The following GALNT13 variants were observed in gnomAD, a reference collection of about 807,000 sequenced individuals.
GALNT13 encodes UDP-GalNAc:polypeptide N-acetylgalactosaminyltransferase 13.
GALNT13 carries 28 observed loss-of-function variants against 64.2 expected under a neutral mutation model. The ratio of observed to expected loss-of-function variants is 0.44; its 90% confidence interval spans 0.32 to 0.60. GALNT13 has a LOEUF of 0.60. GALNT13 is among the 20% of genes least tolerant of loss of function. GALNT13 has a pLI of 0.05. For missense variants in GALNT13, 577 were observed against 669.8 expected, an observed-to-expected ratio of 0.86 and a Z score of 1.53; for synonymous variants, 214 against 224.6, an observed-to-expected ratio of 0.95 and a Z score of 0.42.
intron 7 of GALNT13, among the ~76,000 whole-genome samples, chr2:154,253,614 C>CA (rs1193304539): frequency 6.6e-6 from 1 of 152,126 alleles, no homozygotes; most frequent in African/African-American, 2.4e-5. Context: ...GACCCAGTCT[C>CA]AAAGTATAAC....
At chr2:153,711,250 T>G in the GALNT13 span, among the ~76,000 whole-genome samples, 1 of 152,128 alleles carries the variant, frequency 6.6e-6, no homozygotes, top group East Asian at 1.9e-4. Flanking sequence ...TATGGCTTTA[T>G]AACATGCATA....
chr2:153,687,440 T>G, the GALNT13 span, among the ~76,000 whole-genome samples: 1 of 151,956 alleles, frequency 6.6e-6, no homozygotes, highest in African/African-American at 2.4e-5. Flanking sequence ...AAACTAGATG[T>G]TCATGATATT....
At chr2:153,896,399 A>T (rs1397240247) in intron 1 of GALNT13, among the ~76,000 whole-genome samples, 2 of 151,208 alleles carry the variant, frequency 1.3e-5, no homozygotes. Context: ...ATTATGAATA[A>T]ATATATCTTT....
At chr2:154,000,390 A>T (rs1695825664) in intron 3 of GALNT13, among the ~76,000 whole-genome samples, 1 of 151,960 alleles carries the variant, frequency 6.6e-6, no homozygotes, top group African/African-American at 2.4e-5. Context: ...CTTGAGCTAT[A>T]ACATTAGGTT....
the GALNT13 span, among the ~76,000 whole-genome samples, chr2:153,680,216 A>G: frequency 6.6e-6 from 1 of 151,980 alleles, no homozygotes; most frequent in East Asian, 1.9e-4. Context: ...TACATTGTAA[A>G]GTGGGTAAAT....
the GALNT13 span, among the ~76,000 whole-genome samples, chr2:153,320,568 G>A: frequency 6.6e-6 from 1 of 152,168 alleles, no homozygotes; most frequent in Non-Finnish European, 1.5e-5. Context: ...GATATTTTGA[G>A]AAACATTTGC....
intron 2 of GALNT13, among the ~76,000 whole-genome samples, chr2:153,937,333 A>G (rs993915245): frequency 1.3e-5 from 2 of 152,238 alleles, no homozygotes; most frequent in South Asian, 2.1e-4. Flanking sequence ...ATATGCTACA[A>G]TGTGAATGAA....
intron 9 of GALNT13, among the ~76,000 whole-genome samples, chr2:154,379,248 AAT>A (rs1698149448): frequency 6.6e-6 from 1 of 152,108 alleles, no homozygotes; most frequent in African/African-American, 2.4e-5. Context: ...AAGGACTACC[AAT>A]ATGTCTTAAT....
At chr2:153,812,887 C>T in the GALNT13 span, among the ~76,000 whole-genome samples, 7 of 152,154 alleles carry the variant, frequency 4.6e-5, no homozygotes, top group African/African-American at 1.7e-4. Context: ...TGTAAAAGAT[C>T]CTCCAGGGTT....
At chr2:153,195,665 C>G in the GALNT13 span, among the ~76,000 whole-genome samples, 3 of 152,232 alleles carry the variant, frequency 2.0e-5, no homozygotes, top group East Asian at 5.8e-4. Context: ...GCTCTTCTCT[C>G]CTTCTTGTCA....
rs553345585 is a variant in GALNT13, at chr2:154,143,398, C to G, written c.311+2893C>G. Among the ~76,000 whole-genome samples the G allele has an allele frequency of 8.6e-5, 13 of 151,938 alleles. No individual in the cohort carries two copies. In the South Asian group the frequency reaches 2.7e-3, roughly 32 times the overall value. ...TGTGATAAAATGAGTGGCTATGATA[C>G]TTATATATTCCAGAAAACTAGGTAA... On this transcript the variant is annotated intron_variant, in intron 4 of 12. Coordinates refer to ENST00000392825, the MANE Select transcript of GALNT13 (RefSeq NM_052917.4).
intron 4 of GALNT13, among the ~76,000 whole-genome samples, chr2:154,183,542 C>T: frequency 6.6e-6 from 1 of 151,944 alleles, no homozygotes; most frequent in Non-Finnish European, 1.5e-5. Context: ...AAAACCCCAC[C>T]TCTACAAAAA....
At chr2:154,426,545 C>T (rs1574285151) in intron 11 of GALNT13, among the ~76,000 whole-genome samples, 1 of 152,064 alleles carries the variant, frequency 6.6e-6, no homozygotes, top group Non-Finnish European at 1.5e-5. Flanking sequence ...AAGCATAACT[C>T]GTGGGATATA....
At chr2:154,002,040 G>T (rs912548311) in intron 3 of GALNT13, among the ~76,000 whole-genome samples, 2 of 152,196 alleles carry the variant, frequency 1.3e-5, no homozygotes, top group East Asian at 3.9e-4. Context: ...TCTGCTGGAA[G>T]CTCTATTGGG....
At chr2:153,661,661 T>C in the GALNT13 span, among the ~76,000 whole-genome samples, 1 of 152,210 alleles carries the variant, frequency 6.6e-6, no homozygotes, top group Non-Finnish European at 1.5e-5. Flanking sequence ...ATATCTTGCT[T>C]GCTTCATACA....
At chr2:154,345,078 C>A (rs1190888900) in intron 9 of GALNT13, among the ~76,000 whole-genome samples, 1 of 151,930 alleles carries the variant, frequency 6.6e-6, no homozygotes, top group East Asian at 1.9e-4. Context: ...ATTGAGACAA[C>A]AAGGACAGAA....
the GALNT13 span, chr2:153,173,361 A>G: frequency 1.3e-5 from 2 of 151,992 alleles, no homozygotes; most frequent in Non-Finnish European, 1.5e-5. Flanking sequence ...ATATCAAACT[A>G]TTTGTCTGGG....
At chr2:153,579,953 C>A in the GALNT13 span, among the ~76,000 whole-genome samples, 1 of 152,088 alleles carries the variant, frequency 6.6e-6, no homozygotes, top group Non-Finnish European at 1.5e-5. Context: ...GGTTGGGGAC[C>A]AGTGTCTTAC....
At chr2:153,655,841 G>T in the GALNT13 span, among the ~76,000 whole-genome samples, 1 of 152,176 alleles carries the variant, frequency 6.6e-6, no homozygotes, top group East Asian at 1.9e-4. Flanking sequence ...GAGGGGAAGA[G>T]TAGTTGAAAA....
Sources: gnomAD v4.1 joint callset for allele counts (sites outside exome capture counted in the v4.1 genomes callset) on GRCh38, gnomAD v4.1.1 for gene constraint, MANE v1.5 for transcripts, NCBI Gene and HGNC (gene_info 2026-07-23, HGNC 2026-07-21) for gene names.